DCC: variants seen among roughly 807,000 people sequenced by gnomAD.
The protein encoded by DCC is DCC netrin 1 receptor.
DCC carries 58 observed loss-of-function variants against 172.5 expected under a neutral mutation model. The ratio of observed to expected loss-of-function variants is 0.34; its 90% CI spans 0.27 to 0.42. The LOEUF is 0.42. Ranked by LOEUF, DCC falls within the 10% of genes least tolerant of loss-of-function variation. The probability of loss-of-function intolerance (pLI) is 1.00; values close to 1 mark genes in which losing one functional copy is unlikely to be tolerated. For synonymous variants in DCC, 709 were observed against 644.5 expected (o/e 1.10, Z -1.52); for missense variants, 1,740 against 1,791.0 (o/e 0.97, Z 0.51).
At chr18:52,658,281 C>A (rs2035292544) in intron 1 of DCC, among the ~76,000 whole-genome samples, 1 of 152,202 alleles carries the variant, frequency 6.6e-6, no homozygotes, top group African/African-American at 2.4e-5. Context: ...TGACAAATTT[C>A]ATTCCTAGCA....
chr18:52,432,734 TAC>T (rs1459210169), intron 1 of DCC, among the ~76,000 whole-genome samples: 2 of 152,210 alleles, frequency 1.3e-5, no homozygotes, highest in East Asian at 3.9e-4. Flanking sequence ...TGCGATTAAA[TAC>T]ACTATCACTC....
intron 1 of DCC, among the ~76,000 whole-genome samples, chr18:52,633,608 A>C (rs2034717592): frequency 6.6e-6 from 1 of 152,196 alleles, no homozygotes; most frequent in South Asian, 2.1e-4. Flanking sequence ...ATTTTTAAAA[A>C]ATCAAATGAA....
At chr18:53,205,185 TTC>T in intron 9 of DCC, 29 bp from the exon 10 acceptor site, 2 of 1,594,244 alleles carry the variant, frequency 1.3e-6, no homozygotes, top group Non-Finnish European at 1.7e-6. Flanking sequence ...CTAATCACTT[TTC>T]TTTCTTTCTT....
chr18:52,958,754 T>C (rs2040790054), intron 5 of DCC, among the ~76,000 whole-genome samples: 1 of 151,736 alleles, frequency 6.6e-6, no homozygotes, highest in Admixed American at 6.6e-5. Context: ...CTGGAGAATA[T>C]TGAAGGAGGA....
intron 7 of DCC, among the ~76,000 whole-genome samples, chr18:53,130,206 C>T (rs752473933): frequency 1.3e-5 from 2 of 152,082 alleles, no homozygotes; most frequent in African/African-American, 2.4e-5. Context: ...TAGTAGGCAA[C>T]ATTACTAAAT....
intron 7 of DCC, among the ~76,000 whole-genome samples, chr18:53,155,885 G>A (rs943383052): frequency 1.1e-4 from 17 of 152,152 alleles, no homozygotes; most frequent in Non-Finnish European, 2.2e-4. Context: ...AAATTAGCCG[G>A]GTGTGGTGGT....
chr18:52,846,619 A>G lies in DCC; in HGVS notation c.413-59425A>G, dbSNP rs1406860848. ...CTTCTGCCACTCCAAACACACACAC[A>G]CACACACACACACACACACACACAC... On this transcript the variant is annotated intron_variant, in intron 2 of 28. Transcript: ENST00000442544. Among the ~76,000 whole-genome samples the G allele has an allele frequency of 9.6e-3, 1,090 of 114,072 alleles. 12 individuals are homozygous for G. Among genetic ancestry groups the G allele is most frequent in the African/African-American group, 0.031 (1,039 of 33,148 alleles). 74.8% of individuals were successfully genotyped at this position (114,072 alleles called of 152,430 possible).
chr18:53,063,271 C>A (rs2042521082), intron 5 of DCC, 34 bp from the exon 6 acceptor site: 3 of 1,610,228 alleles, frequency 1.9e-6, no homozygotes, highest in East Asian at 2.2e-5. Context: ...ACATCCCCAC[C>A]CACTCACTCA....
At chr18:52,731,040 CTTTT>C (rs1049775107) in intron 1 of DCC, among the ~76,000 whole-genome samples, 3 of 152,076 alleles carry the variant, frequency 2.0e-5, no homozygotes, top group African/African-American at 7.2e-5. Flanking sequence ...AATTTTCTGC[CTTTT>C]GTTTTCAGAT....
At chr18:52,508,465 G>A (rs1301500616) in intron 1 of DCC, among the ~76,000 whole-genome samples, 1 of 152,034 alleles carries the variant, frequency 6.6e-6, no homozygotes, top group Non-Finnish European at 1.5e-5. Flanking sequence ...AACAGATGTT[G>A]AACCACACCT....
chr18:52,813,944 A>G (rs993048721), intron 2 of DCC, among the ~76,000 whole-genome samples: 1 of 152,174 alleles, frequency 6.6e-6, no homozygotes, highest in Non-Finnish European at 1.5e-5. Flanking sequence ...TCAGGCCTTC[A>G]GACTTGGACT....
intron 1 of DCC, among the ~76,000 whole-genome samples, chr18:52,492,630 A>G (rs140394356): frequency 9.4e-4 from 143 of 151,496 alleles, no homozygotes; most frequent in Non-Finnish European, 1.7e-3. Context: ...ATATGGGGCA[A>G]GTTTAATAGG....
intron 28 of DCC, among the ~76,000 whole-genome samples, chr18:53,529,148 A>C (rs574321540): frequency 6.6e-6 from 1 of 151,910 alleles, no homozygotes; most frequent in South Asian, 2.1e-4. Flanking sequence ...TTAAGCCCTG[A>C]AGATTGGGTA....
At chr18:52,984,968 C>T (rs1013571723) in intron 5 of DCC, among the ~76,000 whole-genome samples, 12 of 152,020 alleles carry the variant, frequency 7.9e-5, no homozygotes, top group African/African-American at 2.9e-4. Flanking sequence ...CATGCCTTTA[C>T]CTTATCACTA....
chr18:53,403,988 G>A (rs982526300), intron 19 of DCC, among the ~76,000 whole-genome samples: 2 of 152,122 alleles, frequency 1.3e-5, no homozygotes, highest in African/African-American at 4.8e-5. Flanking sequence ...AAGAAGTGAG[G>A]CACAAAATTT....
intron 1 of DCC, among the ~76,000 whole-genome samples, chr18:52,497,351 A>ATATATG (rs142280442): frequency 0.11 from 9,175 of 84,194 alleles, 2,196 homozygotes; most frequent in African/African-American, 0.23. Flanking sequence ...ATGCATATAT[A>ATATATG]TATACACACA....
intron 5 of DCC, among the ~76,000 whole-genome samples, chr18:52,957,159 A>G (rs2040757943): frequency 6.6e-6 from 1 of 152,174 alleles, no homozygotes; most frequent in South Asian, 2.1e-4. Context: ...TAGTTCAGTA[A>G]AATTGAAAAA....
chr18:52,952,835 C>A (rs1453256948), intron 5 of DCC, among the ~76,000 whole-genome samples: 1 of 151,312 alleles, frequency 6.6e-6, no homozygotes, highest in African/African-American at 2.4e-5. Flanking sequence ...TCCTGTCTTA[C>A]AAATATTTAA....
At chr18:52,523,522 T>TA (rs1437630868) in intron 1 of DCC, among the ~76,000 whole-genome samples, 2 of 152,134 alleles carry the variant, frequency 1.3e-5, no homozygotes, top group African/African-American at 4.8e-5. Flanking sequence ...TATAGAAACA[T>TA]AAAAAAGCAT....
Sources: gnomAD v4.1 joint callset for allele counts (sites outside exome capture counted in the v4.1 genomes callset) on GRCh38, gnomAD v4.1.1 for gene constraint, MANE v1.5 for transcripts, NCBI Gene and HGNC (gene_info 2026-07-23, HGNC 2026-07-21) for gene names.